IMMP2L: variants seen among roughly 807,000 people sequenced by gnomAD.
IMMP2L encodes the protein mitochondrial inner membrane protease subunit 2.
A neutral mutation model predicts 19.3 loss-of-function variants in IMMP2L; 18 were observed. The observed-to-expected ratio is 0.93, with a 90% confidence interval of 0.64 to 1.38. IMMP2L has a LOEUF of 1.38. Ranked by LOEUF, IMMP2L falls within the 40% of genes most tolerant of loss-of-function variation. The probability of loss-of-function intolerance (pLI) is 0.00; values close to 1 mark genes in which losing one functional copy is unlikely to be tolerated. For synonymous variants in IMMP2L, 76 were observed against 73.0 expected (o/e 1.04, Z -0.21); for missense variants, 233 against 218.2 (o/e 1.07, Z -0.43).
chr7:111,255,783 T>G (rs775402309), intron 3 of IMMP2L, among the ~76,000 whole-genome samples: 2 of 152,034 alleles, frequency 1.3e-5, no homozygotes, highest in Non-Finnish European at 2.9e-5. Flanking sequence ...CTTGGAACAC[T>G]CAGAGTACAG....
intron 5 of IMMP2L, among the ~76,000 whole-genome samples, chr7:110,718,958 C>G (rs906916476): frequency 6.6e-6 from 1 of 152,158 alleles, no homozygotes; most frequent in Non-Finnish European, 1.5e-5. Context: ...ATCAAGGGGT[C>G]CTCCTGCTGG....
chr7:111,130,641 C>A (rs1258304754), intron 3 of IMMP2L, among the ~76,000 whole-genome samples: 1 of 152,044 alleles, frequency 6.6e-6, no homozygotes, highest in Non-Finnish European at 1.5e-5. Flanking sequence ...GAGAATCAGG[C>A]TGTAATAAAA....
intron 4 of IMMP2L, among the ~76,000 whole-genome samples, chr7:110,950,438 T>C (rs544774209): frequency 6.6e-6 from 1 of 152,174 alleles, no homozygotes; most frequent in African/African-American, 2.4e-5. Flanking sequence ...GAAAAGGATA[T>C]ACTGTTGTTT....
chr7:111,509,423 A>G (rs1052215893), intron 2 of IMMP2L, among the ~76,000 whole-genome samples: 4 of 152,156 alleles, frequency 2.6e-5, no homozygotes, highest in Non-Finnish European at 5.9e-5. Context: ...TTAAAATTTC[A>G]GAATCAAAAG....
At chr7:110,988,307 C>A (rs1418679969) in intron 3 of IMMP2L, among the ~76,000 whole-genome samples, 1 of 152,220 alleles carries the variant, frequency 6.6e-6, no homozygotes, top group African/African-American at 2.4e-5. Flanking sequence ...CAACACACAG[C>A]TTCCAAGGTT....
At chr7:111,295,206 T>G (rs1027123222) in intron 3 of IMMP2L, among the ~76,000 whole-genome samples, 1 of 151,994 alleles carries the variant, frequency 6.6e-6, no homozygotes, top group South Asian at 2.1e-4. Flanking sequence ...TAAAATTACA[T>G]AGCATTCATA....
intron 5 of IMMP2L, among the ~76,000 whole-genome samples, chr7:110,873,294 A>T (rs1289791769): frequency 6.6e-6 from 1 of 151,626 alleles, no homozygotes; most frequent in Non-Finnish European, 1.5e-5. Flanking sequence ...ATGGTGGCGC[A>T]TGCCTGTAGT....
intron 5 of IMMP2L, among the ~76,000 whole-genome samples, chr7:110,777,723 A>C (rs1799487561): frequency 1.3e-5 from 2 of 152,024 alleles, no homozygotes; most frequent in Non-Finnish European, 2.9e-5. Flanking sequence ...GGTGGCTTAC[A>C]GATCCACTAT....
intron 5 of IMMP2L, among the ~76,000 whole-genome samples, chr7:110,791,999 T>A (rs929835957): frequency 6.6e-6 from 1 of 151,886 alleles, no homozygotes; most frequent in African/African-American, 2.4e-5. Flanking sequence ...GAGTTGAGAA[T>A]AAATATTCTT....
Position 110,870,622 on chromosome 7 carries a change from G to A in IMMP2L, c.408+15971C>T, listed in dbSNP as rs966347006. On this transcript the variant is annotated intron_variant, in intron 5 of 5. Coordinates refer to ENST00000405709, the MANE Select transcript of IMMP2L (RefSeq NM_032549.4). This position sits in a 1 kb window ranked among gnomAD's most constrained non-coding sequence, Gnocchi z 4.2. ...AGATGCACAGAAAAAACTCTTCCCT[G>A]AAGTGGGGAAAATAAAGAGCCAACC... 3.3e-5 allele frequency among the ~76,000 whole-genome samples: 5 copies of A among 152,120 alleles called. No homozygotes were observed. Among genetic ancestry groups the A allele is most frequent in the Admixed American group, 6.6e-5 (1 of 15,262 alleles).
chr7:110,913,923 G>T (rs1381591868), intron 4 of IMMP2L, among the ~76,000 whole-genome samples: 1 of 152,140 alleles, frequency 6.6e-6, no homozygotes, highest in Non-Finnish European at 1.5e-5. Context: ...TTGGAGGAGG[G>T]ATCTCAGGTA....
intron 3 of IMMP2L, among the ~76,000 whole-genome samples, chr7:110,996,946 C>T (rs1284978074): frequency 6.6e-6 from 1 of 152,012 alleles, no homozygotes; most frequent in East Asian, 1.9e-4. Context: ...AATTTTATTA[C>T]AAGTGTAGAT....
rs2132274216 is a variant in IMMP2L at position 111,487,489 on chromosome 7, A to C, written c.136-148T>G. ...TGCTGTTCTAAAGTAACTGCAAATG[A>C]TGAGTTTTCAAAAAGGCTCACTGGG... On this transcript the variant is annotated intron_variant, in intron 2 of 5. Coordinates refer to ENST00000405709, the MANE Select transcript of IMMP2L (RefSeq NM_032549.4). 1.6e-5 allele frequency: 8 copies of C among 515,786 alleles called. No individual in the cohort carries two copies. The South Asian group carries it at 2.7e-4, about 17-fold the overall frequency. The allele number at this position is 515,786 out of a possible 1,614,324, so 32.0% of individuals were successfully genotyped here.
chr7:111,018,321 C>G lies in IMMP2L; in HGVS notation c.240-54756G>C, dbSNP rs530931717. 3.0e-4 allele frequency among the ~76,000 whole-genome samples: 46 copies of G among 152,200 alleles called. No individual in the cohort carries two copies. The South Asian group carries it at 9.6e-3, about 32-fold the overall frequency. On this transcript the variant is annotated intron_variant, in intron 3 of 5. Transcript: ENST00000405709. ...GACAAGTGTTAGCGGCTCTGTGGCGCAAGTGTTAATACTGATTGCAAATTG... is the reference window on the plus strand; with the variant it reads ...GACAAGTGTTAGCGGCTCTGTGGCGGAAGTGTTAATACTGATTGCAAATTG...
intron 2 of IMMP2L, 102 bp downstream of exon 2, chr7:111,521,211 C>A: frequency 7.9e-7 from 1 of 1,271,890 alleles, no homozygotes; most frequent in Non-Finnish European, 1.1e-6. Flanking sequence ...TTTTTATAAC[C>A]TTTCAGTTCC....
chr7:110,796,001 A>C (rs1183568909), intron 5 of IMMP2L, among the ~76,000 whole-genome samples: 1 of 152,008 alleles, frequency 6.6e-6, no homozygotes, highest in African/African-American at 2.4e-5. Context: ...TTGAATCATC[A>C]GGGCGGTTAC....
intron 4 of IMMP2L, among the ~76,000 whole-genome samples, chr7:110,947,188 A>G (rs1817347854): frequency 6.6e-6 from 1 of 152,220 alleles, no homozygotes; most frequent in Admixed American, 6.5e-5. Flanking sequence ...AAATGATTTG[A>G]ATACTCATTA....
At chr7:111,488,048 G>A (rs1842797272) in intron 2 of IMMP2L, among the ~76,000 whole-genome samples, 1 of 152,048 alleles carries the variant, frequency 6.6e-6, no homozygotes, top group Non-Finnish European at 1.5e-5. Context: ...ATTTGACTGG[G>A]GAACTATGAA....
At chr7:110,940,337 A>G (rs1023599473) in intron 4 of IMMP2L, among the ~76,000 whole-genome samples, 1 of 151,858 alleles carries the variant, frequency 6.6e-6, no homozygotes, top group Non-Finnish European at 1.5e-5. Context: ...AAAAAAAGTT[A>G]AAATAAACAT....
Sources: gnomAD v4.1 joint callset for allele counts (sites outside exome capture counted in the v4.1 genomes callset) on GRCh38, gnomAD v4.1.1 for gene constraint, Gnocchi (gnomAD v3.1) non-coding constraint, MANE v1.5 for transcripts, NCBI Gene and HGNC (gene_info 2026-07-23, HGNC 2026-07-21) for gene names.